Variants in DYNC1I2 observed in about 807,000 individuals in gnomAD.
DYNC1I2 encodes the protein dynein cytoplasmic 1 intermediate chain 2.
In DYNC1I2, 53 loss-of-function variants were observed where a neutral mutation model predicts 88.6. That is an observed-to-expected ratio of 0.60 (90% confidence interval 0.48 to 0.75). The LOEUF (loss-of-function observed/expected upper bound fraction) is 0.75, where lower values mean the gene tolerates loss of function less well. Ranked by LOEUF, DYNC1I2 falls within the 30% of genes least tolerant of loss-of-function variation. The pLI is 0.00. For missense variants in DYNC1I2, 458 were observed against 766.6 expected (o/e 0.60, Z 4.75); for synonymous variants, 198 against 254.6 (o/e 0.78, Z 2.12).
intron 15 of DYNC1I2, among the ~76,000 whole-genome samples, chr2:171,738,737 T>C (rs1000730965): frequency 2.0e-5 from 3 of 152,194 alleles, no homozygotes; most frequent in African/African-American, 7.2e-5. Context: ...ATCATTGGTG[T>C]GCATCAGAAT....
At chr2:171,740,811 T>A (rs993821022) in intron 15 of DYNC1I2, among the ~76,000 whole-genome samples, 11 of 152,212 alleles carry the variant, frequency 7.2e-5, no homozygotes, top group African/African-American at 2.4e-4. Flanking sequence ...AGCAAAACCC[T>A]TATACCATGA....
chr2:171,722,521 T>C (rs1311435177), intron 7 of DYNC1I2, among the ~76,000 whole-genome samples: 3 of 152,152 alleles, frequency 2.0e-5, no homozygotes, highest in Non-Finnish European at 4.4e-5. Context: ...TTACAGTCTT[T>C]TCCAGTTTTA....
rs763119437 is a variant in DYNC1I2 at position 171,707,288 on chromosome 2, C to T, written c.246C>T (p.Val82=). ...ESPIVFSEYW[V]PPPMSPSSKS... is the part of the protein sequence containing the mutation. ...ATACCTGTCTATTTCACTATTTAGT[C>T]CCTCCTCCTATGTCTCCATCCTCCA... The change falls in exon 5 of 18, where the codon GTC becomes GTT. Residue 82 remains valine, a splice_region_variant and synonymous_variant. Transcript: ENST00000397119. 2.5e-6 allele frequency: 4 copies of T among 1,613,690 alleles called. No individual in the cohort carries two copies. Among genetic ancestry groups the T allele is most frequent in the South Asian group, 1.1e-5 (1 of 91,074 alleles).
intron 9 of DYNC1I2, 39 bp from the exon 10 acceptor site, chr2:171,726,155 T>C: frequency 6.3e-7 from 1 of 1,585,998 alleles, no homozygotes; most frequent in Non-Finnish European, 8.6e-7. Context: ...ATAAAAGTTA[T>C]AACACCATCT....
At chr2:171,744,477 A>G (rs1689655249) in intron 16 of DYNC1I2, among the ~76,000 whole-genome samples, 1 of 152,218 alleles carries the variant, frequency 6.6e-6, no homozygotes, top group Non-Finnish European at 1.5e-5. Context: ...GATAACTGGG[A>G]TGTTTTTCAT....
intron 16 of DYNC1I2, 44 bp from the exon 17 acceptor site, chr2:171,745,758 T>G (rs758744474): frequency 4.4e-6 from 7 of 1,576,670 alleles, no homozygotes; most frequent in East Asian, 2.3e-5. Context: ...TATAGAAATC[T>G]TGATGAAACT....
intron 11 of DYNC1I2, among the ~76,000 whole-genome samples, 173 bp from the exon 12 acceptor site, chr2:171,727,648 T>C (rs1183103918): frequency 6.6e-6 from 1 of 152,158 alleles, no homozygotes; most frequent in Non-Finnish European, 1.5e-5. Context: ...CTTAAAGATA[T>C]ATTTTTATAT....
chr2:171,726,675 G>A (rs1187854549), intron 10 of DYNC1I2, 116 bp from the exon 11 acceptor site: 15 of 1,213,180 alleles, frequency 1.2e-5, no homozygotes, highest in Non-Finnish European at 1.7e-5. Flanking sequence ...CTCTCTTGAT[G>A]AAATGTTAGG....
At chr2:171,699,634 G>GTGTGTGTGT (rs56759449) in intron 3 of DYNC1I2, among the ~76,000 whole-genome samples, 1 of 147,918 alleles carries the variant, frequency 6.8e-6, no homozygotes. Context: ...GTGTGTGTGT[G>GTGTGTGTGT]GCGGCGGGCG....
chr2:171,690,091 C>T, intron 1 of DYNC1I2, 56 bp from the exon 2 acceptor site: 4 of 1,118,532 alleles, frequency 3.6e-6, no homozygotes, highest in Non-Finnish European at 5.1e-6. Flanking sequence ...CTTCTTGGAA[C>T]ACTAGTTTTT....
chr2:171,690,336 C>T (rs1685301282), intron 2 of DYNC1I2, 73 bp downstream of exon 2: 2 of 1,118,342 alleles, frequency 1.8e-6, no homozygotes, highest in East Asian at 2.6e-5. Context: ...TATATATTTA[C>T]ATATAGGTTG....
intron 6 of DYNC1I2, among the ~76,000 whole-genome samples, chr2:171,713,258 TTATTCATGAATCTAGAATAAAAC>T (rs1258132215): frequency 6.6e-6 from 1 of 151,890 alleles, no homozygotes; most frequent in African/African-American, 2.4e-5. Context: ...TCATTACTAT[TTATTCATGAATCTAGAATAAAAC>T]TATTCATGAA....
chr2:171,690,377 G>A, intron 2 of DYNC1I2, 114 bp downstream of exon 2: 2 of 706,842 alleles, frequency 2.8e-6, no homozygotes, highest in Non-Finnish European at 4.5e-6. Flanking sequence ...AAAAGTAATG[G>A]CAAAAATTAT....
intron 15 of DYNC1I2, among the ~76,000 whole-genome samples, chr2:171,730,794 A>G (rs890510155): frequency 2.0e-5 from 3 of 152,084 alleles, no homozygotes; most frequent in Non-Finnish European, 4.4e-5. Flanking sequence ...TTGGTTCTTC[A>G]GTTTCTGTAA....
At chr2:171,728,075 A>G in intron 12 of DYNC1I2, 108 bp downstream of exon 12, 2 of 1,314,752 alleles carry the variant, frequency 1.5e-6, no homozygotes, top group East Asian at 2.5e-5. Flanking sequence ...CCTTTGGTGT[A>G]TGAATTCCTC....
intron 3 of DYNC1I2, among the ~76,000 whole-genome samples, chr2:171,695,492 G>A (rs1685700943): frequency 6.6e-6 from 1 of 151,954 alleles, no homozygotes; most frequent in South Asian, 2.1e-4. Flanking sequence ...ATATATAAAT[G>A]GCATAGTGCT....
chr2:171,741,848 G>A (rs1404123651), intron 15 of DYNC1I2, among the ~76,000 whole-genome samples: 2 of 152,052 alleles, frequency 1.3e-5, no homozygotes, highest in South Asian at 2.1e-4. Context: ...TTGGGAGGCC[G>A]AGGTGGGTGG....
intron 1 of DYNC1I2, among the ~76,000 whole-genome samples, chr2:171,688,963 A>C (rs1685180987): frequency 6.6e-6 from 1 of 152,132 alleles, no homozygotes; most frequent in Non-Finnish European, 1.5e-5. Flanking sequence ...GGAGAAGGTA[A>C]GGAGTTCCTG....
At chr2:171,745,672 G>A in intron 16 of DYNC1I2, 130 bp from the exon 17 acceptor site, 4 of 971,834 alleles carry the variant, frequency 4.1e-6, no homozygotes, top group African/African-American at 3.2e-5. Context: ...AGAAAGTTGG[G>A]GAAATTCTTA....
Sources: gnomAD v4.1 joint callset for allele counts (sites outside exome capture counted in the v4.1 genomes callset) on GRCh38, gnomAD v4.1.1 for gene constraint, MANE v1.5 for transcripts, NCBI Gene and HGNC (gene_info 2026-07-23, HGNC 2026-07-21) for gene names.